GSX1: variants seen among roughly 807,000 people sequenced by gnomAD.
GSX1 encodes the protein GS homeobox 1.
Under a neutral mutation model 17.7 loss-of-function variants are expected in GSX1, and 13 were observed. The observed-to-expected ratio is 0.74, with a 90% CI of 0.48 to 1.17. GSX1 has a LOEUF of 1.17. GSX1 is among the 50% of genes most tolerant of loss of function. GSX1 has a pLI of 0.00. For synonymous variants in GSX1, 202 were observed against 176.2 expected, an observed-to-expected ratio of 1.15 and a Z score of -1.16; for missense variants, 371 against 372.1, an observed-to-expected ratio of 1.00 and a Z score of 0.02.
In GSX1 at chr13:27,793,127, G is replaced by C; in HGVS notation, c.412+25G>C. ...GGTAAGCGGGGCCGCCGCGCAGAGG[G>C]ACCGGGCAGAGGTGATCCGAAGCAG... On this transcript the variant is annotated intron_variant, in intron 1 of 1. Coordinates refer to ENST00000302945, the MANE Select transcript of GSX1 (RefSeq NM_145657.3). This position sits in a 1 kb window ranked among gnomAD's most constrained non-coding sequence, Gnocchi z 6.2. 1.3e-6 allele frequency: 2 copies of C among 1,506,018 alleles called. No individual in the cohort carries two copies. The highest frequency in any genetic ancestry group is 1.8e-6 in the Non-Finnish European group (2 of 1,133,924). The allele number at this position is 1,506,018 out of a possible 1,614,324, so 93.3% of individuals were successfully genotyped here.
In GSX1 at chr13:27,793,856, T is replaced by G. The variant is rs1291510429; in HGVS notation, c.703T>G (p.Ser235Ala). ...GCAAGGCTGCAAGTGCGCATCGCTC[T>G]CCTCAGCCAAGTGCTCCGAGGATGA... ...APQGCKCASL[S>A]SAKCSEDDDE... The change falls in exon 2 of 2, where the codon TCC (serine) becomes GCC (alanine). Residue 235 changes from serine (S) to alanine (A), a missense_variant. Around this residue, in one of 3 missense-constraint regions of GSX1, gnomAD observed 92 missense variants for 70.0 expected, o/e 1.31. Transcript: ENST00000302945. The surrounding 1 kb of genome is among the most constrained non-coding windows in gnomAD (Gnocchi z 6.2). The G allele has an allele frequency of 3.7e-6, 6 of 1,608,432 alleles. No individual in the cohort carries two copies. The highest frequency in any genetic ancestry group is 5.1e-6 in the Non-Finnish European group (6 of 1,176,650).
At position 27,794,466 on chromosome 13, in the gene GSX1, C is replaced by T. The variant is rs1319728348; in HGVS notation, c.*518C>T. 6.5e-6 allele frequency: 1 copy of T among 153,252 alleles called. No homozygotes were observed. Among genetic ancestry groups the T allele is most frequent in the Admixed American group, 6.5e-5 (1 of 15,300 alleles). 9.5% of individuals were successfully genotyped at this position (153,252 alleles called of 1,614,324 possible). ...CCGCCAACACACACATTTATGAACC[C>T]CCACTTTTTTTTTCCTTCTCCTTTT... On this transcript the variant is annotated 3_prime_UTR_variant, in exon 2 of 2. Transcript: ENST00000302945.
chr13:27,792,542 A>T lies in GSX1; in HGVS notation c.-149A>T. On this transcript the variant is annotated 5_prime_UTR_variant, in exon 1 of 2. Coordinates refer to ENST00000302945, the MANE Select transcript of GSX1 (RefSeq NM_145657.3). ...GGCGGTGCCCACGGCAGCAGAGGCT[A>T]CTGTTTCAGCCTAGGTCTCAGCCGC... 3 of 639,386 alleles carry T rather than the reference A, an allele frequency of 4.7e-6. No individual in the cohort carries two copies. Among genetic ancestry groups the T allele is most frequent in the Non-Finnish European group, 7.1e-6 (3 of 424,414 alleles). 39.6% of individuals were successfully genotyped at this position (639,386 alleles called of 1,614,324 possible). A position where few individuals can be genotyped will look rare whatever the true frequency, so the allele number is the denominator to read the frequency against.
At position 27,793,252 on chromosome 13, in the gene GSX1, T is replaced by C; in HGVS notation, c.412+150T>C. The C allele has an allele frequency of 1.1e-6, 1 of 922,366 alleles. No homozygotes were observed. Among genetic ancestry groups the C allele is most frequent in the Non-Finnish European group, 1.6e-6 (1 of 638,164 alleles). The allele number at this position is 922,366 out of a possible 1,614,324, so 57.1% of individuals were successfully genotyped here. ...GGGGGCGCTTGGGGTGGAGTGAGGA[T>C]AGAGGGCCGGGACACAACGCCAGGA... On this transcript the variant is annotated intron_variant, in intron 1 of 1. Coordinates refer to ENST00000302945, the MANE Select transcript of GSX1 (RefSeq NM_145657.3). This position sits in a 1 kb window ranked among gnomAD's most constrained non-coding sequence, Gnocchi z 6.2.
Position 27,792,506 on chromosome 13 carries a change from C to T in GSX1, c.-185C>T. ...GCACCACTAGCGCTGGCCAGCACCC[C>T]GCGCTCTTTGGGCGGTGCCCACGGC... On this transcript the variant is annotated 5_prime_UTR_variant, in exon 1 of 2. Transcript: ENST00000302945. 2 of 527,770 alleles carry T rather than the reference C, an allele frequency of 3.8e-6. No individual in the cohort carries two copies. The highest frequency in any genetic ancestry group is 6.1e-6 in the Non-Finnish European group (2 of 326,316). 32.7% of individuals were successfully genotyped at this position (527,770 alleles called of 1,614,324 possible). A position where few individuals can be genotyped will look rare whatever the true frequency, so the allele number is the denominator to read the frequency against.
In GSX1 at chr13:27,793,036, G is replaced by A. The variant is rs1157502316; in HGVS notation, c.346G>A (p.Ala116Thr). The stretch of plus-strand genomic sequence containing the variant: ...TCACGGCCCGGCCGCCGCTGCTGCT[G>A]CCGCCGCGCTCTACCAGACCTCCTA... ...VAHGPAAAAA[A>T]AALYQTSYPL... Residue 116 changes from alanine to threonine, a missense_variant, in exon 1 of 2, where the codon GCC becomes ACC. By Grantham distance (58) the Ala-to-Thr change is moderately conservative. Transcript: ENST00000302945. This position sits in a 1 kb window ranked among gnomAD's most constrained non-coding sequence, Gnocchi z 6.2. 34 of 1,586,464 alleles carry A rather than the reference G, an allele frequency of 2.1e-5. No individual in the cohort carries two copies. The highest frequency in any genetic ancestry group is 2.9e-5 in the Non-Finnish European group (34 of 1,173,904).
chr13:27,794,067 C>A lies in GSX1; in HGVS notation c.*119C>A. ...AAACCACTGCCTGGCATGGATTTGG[C>A]ACTGCTTTGCAGAGGTCCCGGGCCT... is the stretch of plus-strand genomic sequence containing the variant. On this transcript the variant is annotated 3_prime_UTR_variant, in exon 2 of 2. Transcript: ENST00000302945. The A allele has an allele frequency of 8.6e-7, 1 of 1,166,776 alleles. No homozygotes were observed. Among genetic ancestry groups the A allele is most frequent in the Non-Finnish European group, 1.2e-6 (1 of 843,320 alleles). The allele number at this position is 1,166,776 out of a possible 1,614,324, so 72.3% of individuals were successfully genotyped here.
rs1462767030 is a variant in GSX1 at position 27,792,948 on chromosome 13, C to T, written c.258C>T (p.Phe86=). ...TACTCAAGGCTTCCTTCCCACCCTT[C>T]GGCTCGCAGTACTGCCACGCGCCCC... ...LPLLKASFPP[F]GSQYCHAPLG... is the part of the protein sequence containing the mutation. The change falls in exon 1 of 2, where the codon TTC becomes TTT. Residue 86 remains phenylalanine, a synonymous_variant. Transcript: ENST00000302945. 6.5e-7 allele frequency: 1 copy of T among 1,538,300 alleles called. No individual in the cohort carries two copies. Among genetic ancestry groups the T allele is most frequent in the African/African-American group, 1.4e-5 (1 of 73,284 alleles).
chr13:27,792,913 G>A lies in GSX1; in HGVS notation c.223G>A (p.Ala75Thr), dbSNP rs1451764232. 1 of 1,527,332 alleles carries A rather than the reference G, an allele frequency of 6.5e-7. No individual in the cohort carries two copies. The highest frequency in any genetic ancestry group is 8.8e-7 in the Non-Finnish European group (1 of 1,141,866). 94.6% of individuals were successfully genotyped at this position (1,527,332 alleles called of 1,614,324 possible). A position where few individuals can be genotyped will look rare whatever the true frequency, so the allele number is the denominator to read the frequency against. Residue 75 changes from alanine to threonine, a missense_variant, in exon 1 of 2, where the codon GCG becomes ACG. By Grantham distance (58) the Ala-to-Thr change is moderately conservative. Coordinates refer to ENST00000302945, the MANE Select transcript of GSX1 (RefSeq NM_145657.3). ...GCTGCATGGGCCCCCCGGGCCGCCC[G>A]CGCTGCCTCTACTCAAGGCTTCCTT... The part of the protein sequence containing the change: ...SQLHGPPGPP[A>T]LPLLKASFPP...
Position 27,793,325 on chromosome 13 carries a change from G to A in GSX1, c.412+223G>A, listed in dbSNP as rs1351360536. Among the ~76,000 whole-genome samples, 2 of 152,174 alleles carry A rather than the reference G, an allele frequency of 1.3e-5. No individual in the cohort carries two copies. ...GGTCCTGGAGTGTGGGCCGGGGTAA[G>A]TGAGGGCTGGGATCCAAGGCTCTCC... On this transcript the variant is annotated intron_variant, in intron 1 of 1. Coordinates refer to ENST00000302945, the MANE Select transcript of GSX1 (RefSeq NM_145657.3). This position sits in a 1 kb window ranked among gnomAD's most constrained non-coding sequence, Gnocchi z 6.2.
rs560861673 is a variant in GSX1, at chr13:27,793,054, A to G, written c.364A>G (p.Thr122Ala). The G allele has an allele frequency of 6.3e-7, 1 of 1,582,178 alleles. No individual in the cohort carries two copies. Among genetic ancestry groups the G allele is most frequent in the Non-Finnish European group, 8.5e-7 (1 of 1,171,534 alleles). Residue 122 changes from threonine to alanine, a missense_variant, in exon 1 of 2, where the codon ACC (threonine) becomes GCC (alanine). This residue lies in a region of GSX1 where 212 missense variants were observed against 193.9 expected (regional missense o/e 1.09). Coordinates refer to ENST00000302945, the MANE Select transcript of GSX1 (RefSeq NM_145657.3). The surrounding 1 kb of genome is among the most constrained non-coding windows in gnomAD (Gnocchi z 6.2). ...TGCTGCTGCCGCCGCGCTCTACCAG[A>G]CCTCCTACCCGCTGCCTGACCCCAG... Reference protein sequence around the residue: ...AAAAAAALYQTSYPLPDPRQF... With the variant: ...AAAAAAALYQASYPLPDPRQF...
rs780614099 is a variant in GSX1 at position 27,793,831 on chromosome 13, G to T, written c.678G>T (p.Pro226=). Residue 226 remains proline, a synonymous_variant, in exon 2 of 2, where the codon CCG becomes CCT. Coordinates refer to ENST00000302945, the MANE Select transcript of GSX1 (RefSeq NM_145657.3). This position sits in a 1 kb window ranked among gnomAD's most constrained non-coding sequence, Gnocchi z 6.2. ...GGGAGGGGSA[P]QGCKCASLSS... is the part of the protein sequence containing the mutation. ...GTGCCGGTGGTGGCGGGAGCGCACC[G>T]CAAGGCTGCAAGTGCGCATCGCTCT... The T allele has an allele frequency of 1.3e-5, 21 of 1,611,956 alleles. No homozygotes were observed. Among genetic ancestry groups the T allele is most frequent in the South Asian group, 2.2e-5 (2 of 90,812 alleles).
rs1473843366 is a variant in GSX1, at chr13:27,793,371, G to T, written c.413-195G>T. ...TCTCCATGAAGGGGAAGGGGTTCCA[G>T]GGCTGCATGACTCCGGGAGAATCAG... On this transcript the variant is annotated intron_variant, in intron 1 of 1. Coordinates refer to ENST00000302945, the MANE Select transcript of GSX1 (RefSeq NM_145657.3). This position sits in a 1 kb window ranked among gnomAD's most constrained non-coding sequence, Gnocchi z 6.2. Among the ~76,000 whole-genome samples, 6 of 152,174 alleles carry T rather than the reference G, an allele frequency of 3.9e-5. No individual in the cohort carries two copies. Among genetic ancestry groups the T allele is most frequent in the Non-Finnish European group, 7.4e-5 (5 of 68,010 alleles).
chr13:27,793,127 G>T lies in GSX1; in HGVS notation c.412+25G>T. On this transcript the variant is annotated intron_variant, in intron 1 of 1. Transcript: ENST00000302945. The surrounding 1 kb of genome is among the most constrained non-coding windows in gnomAD (Gnocchi z 6.2). The stretch of plus-strand genomic sequence containing the variant: ...GGTAAGCGGGGCCGCCGCGCAGAGG[G>T]ACCGGGCAGAGGTGATCCGAAGCAG... The T allele has an allele frequency of 6.6e-7, 1 of 1,506,008 alleles. No homozygotes were observed. Among genetic ancestry groups the T allele is most frequent in the Non-Finnish European group, 8.8e-7 (1 of 1,133,922 alleles). The allele number at this position is 1,506,008 out of a possible 1,614,324, so 93.3% of individuals were successfully genotyped here.
rs561005174 is a variant in GSX1, at chr13:27,794,070, T to C, written c.*122T>C. 7.9e-6 allele frequency: 9 copies of C among 1,142,712 alleles called. No homozygotes were observed. Among genetic ancestry groups the C allele is most frequent in the Non-Finnish European group, 1.1e-5 (9 of 822,434 alleles). The allele number at this position is 1,142,712 out of a possible 1,614,324, so 70.8% of individuals were successfully genotyped here. A position where few individuals can be genotyped will look rare whatever the true frequency, so the allele number is the denominator to read the frequency against. On this transcript the variant is annotated 3_prime_UTR_variant, in exon 2 of 2. Coordinates refer to ENST00000302945, the MANE Select transcript of GSX1 (RefSeq NM_145657.3). ...CCACTGCCTGGCATGGATTTGGCAC[T>C]GCTTTGCAGAGGTCCCGGGCCTGGG...
In GSX1 at chr13:27,793,394, C is replaced by T. The variant is rs569675934; in HGVS notation, c.413-172C>T. ...CAGGGCTGCATGACTCCGGGAGAAT[C>T]AGGATCTCGGAGCTGGACAAGGAGC... On this transcript the variant is annotated intron_variant, in intron 1 of 1. Transcript: ENST00000302945. This position sits in a 1 kb window ranked among gnomAD's most constrained non-coding sequence, Gnocchi z 6.2. 6.6e-6 allele frequency among the ~76,000 whole-genome samples: 1 copy of T among 152,280 alleles called. No homozygotes were observed. Among genetic ancestry groups the T allele is most frequent in the East Asian group, 1.9e-4 (1 of 5,172 alleles).
Position 27,793,559 on chromosome 13 carries a change from C to T in GSX1, c.413-7C>T. 1.2e-6 allele frequency: 2 copies of T among 1,606,116 alleles called. No homozygotes were observed. The highest frequency in any genetic ancestry group is 1.3e-5 in the African/African-American group (1 of 75,002). ...GATCGCTTCCTTCTCTGCTCTGCCA[C>T]CTCCAGACAGCAGCTCTAACCAGCT... On this transcript the variant is annotated splice_polypyrimidine_tract_variant and splice_region_variant and intron_variant, in intron 1 of 1. Transcript: ENST00000302945. This position sits in a 1 kb window ranked among gnomAD's most constrained non-coding sequence, Gnocchi z 6.2.
At position 27,793,874 on chromosome 13, in the gene GSX1, G is replaced by C; in HGVS notation, c.721G>C (p.Glu241Gln). Residue 241 changes from glutamate to glutamine, a missense_variant, in exon 2 of 2, where the codon GAG (glutamate) becomes CAG (glutamine). By Grantham distance (29) the Glu-to-Gln change is conservative. Coordinates refer to ENST00000302945, the MANE Select transcript of GSX1 (RefSeq NM_145657.3). The surrounding 1 kb of genome is among the most constrained non-coding windows in gnomAD (Gnocchi z 6.2). The part of the protein sequence containing the change: ...CASLSSAKCS[E>Q]DDDELPMSPS... ...ATCGCTCTCCTCAGCCAAGTGCTCC[G>C]AGGATGACGACGAATTGCCCATGTC... 1.9e-6 allele frequency: 3 copies of C among 1,597,206 alleles called. No homozygotes were observed. Among genetic ancestry groups the C allele is most frequent in the Non-Finnish European group, 2.6e-6 (3 of 1,170,114 alleles).
In GSX1 at chr13:27,792,591, C is replaced by A; in HGVS notation, c.-100C>A. ...GCGCGTTCAGCCTCCTGGGCAGAGGCAGCTGCGGGATACCGCGGCCAGGGA... is the reference window on the plus strand; with the variant it reads ...GCGCGTTCAGCCTCCTGGGCAGAGGAAGCTGCGGGATACCGCGGCCAGGGA... On this transcript the variant is annotated 5_prime_UTR_variant, in exon 1 of 2. Transcript: ENST00000302945. 1 of 1,019,582 alleles carries A rather than the reference C, an allele frequency of 9.8e-7. No homozygotes were observed. Among genetic ancestry groups the A allele is most frequent in the Non-Finnish European group, 1.3e-6 (1 of 765,538 alleles). 63.2% of individuals were successfully genotyped at this position (1,019,582 alleles called of 1,614,324 possible). A position where few individuals can be genotyped will look rare whatever the true frequency, so the allele number is the denominator to read the frequency against.
Sources: allele counts gnomAD v4.1 joint callset (sites outside exome capture counted in the v4.1 genomes callset), GRCh38; gene constraint gnomAD v4.1.1; regional missense constraint gnomAD v4.1.1; non-coding constraint Gnocchi (gnomAD v3.1); transcripts MANE v1.5; gene names NCBI Gene and HGNC (gene_info 2026-07-23, HGNC 2026-07-21).